The following LRFN5 variants were observed in gnomAD, a reference collection of about 807,000 sequenced individuals.
LRFN5 encodes the protein leucine-rich repeat and fibronectin type-III domain-containing protein 5.
In LRFN5, 24 loss-of-function variants were observed where a neutral mutation model predicts 45.6. The ratio of observed to expected loss-of-function variants is 0.53; its 90% CI spans 0.38 to 0.74. The LOEUF is 0.74. Ranked by LOEUF, LRFN5 falls within the 30% of genes least tolerant of loss-of-function variation. The probability of loss-of-function intolerance (pLI) is 0.00; values close to 1 mark genes in which losing one functional copy is unlikely to be tolerated. For synonymous variants in LRFN5, 340 were observed against 313.8 expected (o/e 1.08, Z -0.88); for missense variants, 776 against 861.5 (o/e 0.90, Z 1.24).
chr14:41,896,624 G>C (rs868708223), intron 4 of LRFN5, among the ~76,000 whole-genome samples: 2 of 152,078 alleles, frequency 1.3e-5, no homozygotes, highest in Non-Finnish European at 1.5e-5. Context: ...ATTAATATTT[G>C]AATTTTTACT....
intron 2 of LRFN5, among the ~76,000 whole-genome samples, chr14:41,774,944 A>G (rs977885921): frequency 6.6e-6 from 1 of 152,082 alleles, no homozygotes; most frequent in Admixed American, 6.5e-5. Flanking sequence ...TCTTACATGT[A>G]TAACTAAACT....
chr14:41,791,248 C>G (rs548007681), intron 2 of LRFN5, among the ~76,000 whole-genome samples: 1 of 151,734 alleles, frequency 6.6e-6, no homozygotes, highest in African/African-American at 2.4e-5. Flanking sequence ...ACTCATTATA[C>G]TATGGATTAT....
At chr14:41,688,204 T>C (rs557121545) in intron 1 of LRFN5, among the ~76,000 whole-genome samples, 115 of 152,252 alleles carry the variant, frequency 7.6e-4, no homozygotes, top group Non-Finnish European at 2.1e-4. Context: ...GGATGCTTTA[T>C]GGATACAAAA....
intron 4 of LRFN5, chr14:41,893,876 T>C (rs1428171152): frequency 1.0e-6 from 1 of 985,232 alleles, no homozygotes; most frequent in African/African-American, 1.7e-5. Context: ...CACTGCCCAG[T>C]TATTTATTTC....
chr14:41,668,740 T>C (rs1254137315), intron 1 of LRFN5, among the ~76,000 whole-genome samples: 1 of 152,140 alleles, frequency 6.6e-6, no homozygotes, highest in Non-Finnish European at 1.5e-5. Flanking sequence ...AGATTTGAAA[T>C]AAGTTTTTTA....
At chr14:41,633,328 C>G (rs1294290401) in intron 1 of LRFN5, among the ~76,000 whole-genome samples, 2 of 152,054 alleles carry the variant, frequency 1.3e-5, no homozygotes, top group Non-Finnish European at 2.9e-5. Context: ...AAAAATTTCA[C>G]TGTTTAATTC....
rs114255705 is a variant in LRFN5, at chr14:41,616,020, C to T, written c.-197+7458C>T. Among the ~76,000 whole-genome samples, 325 of 152,176 alleles carry T rather than the reference C, an allele frequency of 2.1e-3. 3 individuals are homozygous for T. Among genetic ancestry groups the T allele is most frequent in the African/African-American group, 7.5e-3 (311 of 41,522 alleles). On this transcript the variant is annotated intron_variant, in intron 1 of 5. Coordinates refer to ENST00000298119, the MANE Select transcript of LRFN5 (RefSeq NM_152447.5). The stretch of plus-strand genomic sequence containing the variant: ...ATCCAAGTTTGATCACAGGATTAAA[C>T]GTATTTGCTATTATGAATCTTGACA...
chr14:41,870,390 T>A (rs1228080023), intron 2 of LRFN5, among the ~76,000 whole-genome samples: 1 of 152,126 alleles, frequency 6.6e-6, no homozygotes, highest in Non-Finnish European at 1.5e-5. Context: ...GATTGGGTAA[T>A]TTAAAAGGAA....
At chr14:41,816,243 C>T (rs1223317468) in intron 2 of LRFN5, among the ~76,000 whole-genome samples, 2 of 151,824 alleles carry the variant, frequency 1.3e-5, no homozygotes, top group Non-Finnish European at 2.9e-5. Flanking sequence ...TCATTGCTGT[C>T]ATTCATTTCA....
intron 1 of LRFN5, among the ~76,000 whole-genome samples, chr14:41,689,233 T>C (rs536823257): frequency 1.3e-5 from 2 of 152,180 alleles, no homozygotes; most frequent in Non-Finnish European, 2.9e-5. Context: ...CGGCAAATAG[T>C]TGGAAAGTCA....
In LRFN5 at chr14:41,607,493, A is replaced by C. The variant is rs925343083; in HGVS notation, c.-1266A>C. 1 of 152,028 alleles carries C rather than the reference A, an allele frequency of 6.6e-6. No homozygotes were observed. Among genetic ancestry groups the C allele is most frequent in the African/African-American group, 2.4e-5 (1 of 41,390 alleles). 9.4% of individuals were successfully genotyped at this position (152,028 alleles called of 1,614,324 possible). A position where few individuals can be genotyped will look rare whatever the true frequency, so the allele number is the denominator to read the frequency against. ...TTTCAAGTCATCTTGGCATGTCTCT[A>C]GTGTTTTGTAAGCCGCTTTCCAGCT... On this transcript the variant is annotated 5_prime_UTR_variant, in exon 1 of 6. Coordinates refer to ENST00000298119, the MANE Select transcript of LRFN5 (RefSeq NM_152447.5).
intron 1 of LRFN5, among the ~76,000 whole-genome samples, chr14:41,648,519 T>C (rs555979556): frequency 6.6e-6 from 1 of 152,258 alleles, no homozygotes; most frequent in South Asian, 2.1e-4. Flanking sequence ...ATAAAATGGC[T>C]GTGTCGTCAA....
At position 41,642,376 on chromosome 14, in the gene LRFN5, C is replaced by T. The variant is rs545875506; in HGVS notation, c.-197+33814C>T. On this transcript the variant is annotated intron_variant, in intron 1 of 5. Coordinates refer to ENST00000298119, the MANE Select transcript of LRFN5 (RefSeq NM_152447.5). ...ATCATTCCTTTGCACCTCAGCATTT[C>T]CATTTGGAAAATAGTGATAACATTA... Among the ~76,000 whole-genome samples, 17 of 152,274 alleles carry T rather than the reference C, an allele frequency of 1.1e-4. No homozygotes were observed. In the East Asian group the frequency reaches 2.5e-3, roughly 22 times the overall value.
At chr14:41,880,190 G>A (rs1474874414) in intron 2 of LRFN5, among the ~76,000 whole-genome samples, 4 of 151,926 alleles carry the variant, frequency 2.6e-5, no homozygotes, top group Non-Finnish European at 5.9e-5. Flanking sequence ...GCCTCCCAAA[G>A]TGCTGGGATT....
At chr14:41,775,579 A>G (rs1886260381) in intron 2 of LRFN5, among the ~76,000 whole-genome samples, 1 of 152,158 alleles carries the variant, frequency 6.6e-6, no homozygotes, top group Non-Finnish European at 1.5e-5. Context: ...ATACCTGCTT[A>G]CTTATTTATG....
At chr14:41,736,585 AGCTCTTTATAGACC>A in intron 1 of LRFN5, among the ~76,000 whole-genome samples, 1 of 152,090 alleles carries the variant, frequency 6.6e-6, no homozygotes, top group Admixed American at 6.6e-5. Flanking sequence ...GTTGTGCAGA[AGCTCTTTATAGACC>A]GCTAGCCAGA....
intron 2 of LRFN5, among the ~76,000 whole-genome samples, chr14:41,876,277 C>CTTTTTTTTTTTTTTT (rs34291427): frequency 4.0e-5 from 4 of 100,600 alleles, no homozygotes; most frequent in African/African-American, 7.6e-5. Flanking sequence ...CTTTTTCTTT[C>CTTTTTTTTTTTTTTT]TTTTTTTTTT....
intron 4 of LRFN5, chr14:41,892,470 A>G: frequency 1.0e-6 from 1 of 981,526 alleles, no homozygotes; most frequent in Non-Finnish European, 1.2e-6. Flanking sequence ...TTGTTGTAGA[A>G]AAAAGTATTG....
chr14:41,892,132 T>C lies in LRFN5; in HGVS notation c.2098+170T>C, dbSNP rs1890808003. On this transcript the variant is annotated intron_variant, in intron 4 of 5. Coordinates refer to ENST00000298119, the MANE Select transcript of LRFN5 (RefSeq NM_152447.5). ...TGTTTATTCAGTCTGACTGTTCTGA[T>C]GGTCATAGTGGAAAGGCAACTCTCA... 3.0e-6 allele frequency: 3 copies of C among 985,260 alleles called. No homozygotes were observed. The South Asian group carries it at 1.4e-4, about 46-fold the overall frequency. The allele number at this position is 985,260 out of a possible 1,614,324, so 61.0% of individuals were successfully genotyped here.
Sources: allele counts gnomAD v4.1 joint callset (sites outside exome capture counted in the v4.1 genomes callset), GRCh38; gene constraint gnomAD v4.1.1; transcripts MANE v1.5; gene names NCBI Gene and HGNC (gene_info 2026-07-23, HGNC 2026-07-21).